BCL6: variants seen among roughly 807,000 people sequenced by gnomAD.
The protein encoded by BCL6 is BCL6 transcription repressor, also known as B-cell lymphoma 6 protein.
BCL6 carries 7 observed loss-of-function variants against 59.5 expected under a neutral mutation model. The observed-to-expected ratio is 0.12, with a 90% confidence interval of 0.07 to 0.22. The LOEUF (loss-of-function observed/expected upper bound fraction) is 0.22, where lower values mean the gene tolerates loss of function less well. BCL6 is among the 10% of genes least tolerant of loss of function. The pLI, the probability that BCL6 is intolerant of heterozygous loss-of-function variation, is 1.00. For synonymous variants in BCL6, 339 were observed against 349.7 expected, an observed-to-expected ratio of 0.97 and a Z score of 0.34; for missense variants, 685 against 939.4, an observed-to-expected ratio of 0.73 and a Z score of 3.54.
rs200408610 is a variant in BCL6, at chr3:187,724,926, A to G, written c.1977+15T>C. 672 of 1,610,458 alleles carry G rather than the reference A, an allele frequency of 4.2e-4. 3 individuals are homozygous for G. Among genetic ancestry groups the G allele is most frequent in the Middle Eastern group, 1.5e-3 (9 of 6,042 alleles). On this transcript the variant is annotated intron_variant, in intron 9 of 9. Transcript: ENST00000406870. The stretch of plus-strand genomic sequence containing the variant: ...TCCCCGCAGGTCAGAGAGCGGCCTC[A>G]AGAGGCTTACGTACATGGTAAGGTT...
intron 4 of BCL6, among the ~76,000 whole-genome samples, chr3:187,731,006 G>T (rs1419242758): frequency 1.3e-5 from 2 of 152,188 alleles, no homozygotes; most frequent in Admixed American, 6.5e-5. Flanking sequence ...CCCTAGCATG[G>T]CTGGATCAAA....
At chr3:187,745,085 A>C (rs527666898) in intron 1 of BCL6, among the ~76,000 whole-genome samples, 1 of 152,140 alleles carries the variant, frequency 6.6e-6, no homozygotes, top group African/African-American at 2.4e-5. Context: ...GGGTGGCAAA[A>C]GCCTCCCCAA....
At chr3:187,744,045 G>C (rs537059804) in intron 1 of BCL6, among the ~76,000 whole-genome samples, 6 of 152,226 alleles carry the variant, frequency 3.9e-5, no homozygotes, top group African/African-American at 1.2e-4. Flanking sequence ...CTCGCCCAAG[G>C]TAAGGACCTC....
In BCL6 at chr3:187,725,604, G is replaced by A. The variant is rs753064923; in HGVS notation, c.1734C>T (p.Ile578=). The change falls in exon 8 of 10, where the codon ATC becomes ATT. Residue 578 remains isoleucine (I), a synonymous_variant. Transcript: ENST00000406870. The surrounding 1 kb of genome is among the most constrained non-coding windows in gnomAD (Gnocchi z 4.7). ...CTGGCCGGTTGAACTGGGCCCCACA[G>A]ATGTTGCAACGATAGGGTTTCTCAC... The part of the protein sequence containing the change: ...HTGEKPYRCN[I]CGAQFNRPAN... 1 of 1,614,226 alleles carries A rather than the reference G, an allele frequency of 6.2e-7. No individual in the cohort carries two copies. Among genetic ancestry groups the A allele is most frequent in the Non-Finnish European group, 8.5e-7 (1 of 1,180,046 alleles).
chr3:187,730,249 A>G (rs1233924871), intron 4 of BCL6, among the ~76,000 whole-genome samples: 1 of 152,226 alleles, frequency 6.6e-6, no homozygotes, highest in Non-Finnish European at 1.5e-5. Context: ...AGTTTCCGGC[A>G]TGATCTATGC....
intron 1 of BCL6, among the ~76,000 whole-genome samples, chr3:187,743,756 A>G (rs1711717352): frequency 9.7e-6 from 1 of 102,990 alleles, no homozygotes. Context: ...CCGCCCCCGG[A>G]GCTCAGCCGA....
rs1718896686 is a variant in BCL6 at position 187,729,246 on chromosome 3, T to A, written c.1159A>T (p.Asn387Tyr). ...GGCCCCTCTGGTTTGGCATTCTGGTTGAGGCTGTTGAGCACGATGAACTTG... is the reference window on the plus strand; with the variant it reads ...GGCCCCTCTGGTTTGGCATTCTGGTAGAGGCTGTTGAGCACGATGAACTTG... ...KYKFIVLNSL[N>Y]QNAKPEGPEQ... The change falls in exon 5 of 10, where the codon AAC becomes TAC. Residue 387 changes from asparagine to tyrosine, a missense_variant. Physicochemically the swap from Asn to Tyr is moderately radical, Grantham distance 143. Coordinates refer to ENST00000406870, the MANE Select transcript of BCL6 (RefSeq NM_001706.5). This position sits in a 1 kb window ranked among gnomAD's most constrained non-coding sequence, Gnocchi z 5.6. 6.2e-7 allele frequency: 1 copy of A among 1,613,736 alleles called. No individual in the cohort carries two copies. The highest frequency in any genetic ancestry group is 1.7e-5 in the Admixed American group (1 of 60,006).
At chr3:187,731,688 T>C in intron 4 of BCL6, 21 bp downstream of exon 4, 2 of 1,611,544 alleles carry the variant, frequency 1.2e-6, no homozygotes, top group South Asian at 1.1e-5. Flanking sequence ...CTCCGACGCT[T>C]CCACCCGGGT....
At chr3:187,744,714 T>C (rs1711811275) in intron 1 of BCL6, among the ~76,000 whole-genome samples, 7 of 151,914 alleles carry the variant, frequency 4.6e-5, no homozygotes, top group East Asian at 3.9e-4. Flanking sequence ...GCAGCCTCCC[T>C]TTTTGCCTCC....
At chr3:187,732,984 C>G (rs1560153459) in intron 3 of BCL6, among the ~76,000 whole-genome samples, 1 of 152,106 alleles carries the variant, frequency 6.6e-6, no homozygotes, top group Non-Finnish European at 1.5e-5. Context: ...CTGAAGACTA[C>G]TAAAAAGATC....
intron 1 of BCL6, among the ~76,000 whole-genome samples, chr3:187,738,824 T>G (rs1217573513): frequency 6.6e-6 from 1 of 152,154 alleles, no homozygotes; most frequent in Non-Finnish European, 1.5e-5. Flanking sequence ...ACATTGAGGC[T>G]TTCTCACCCC....
intron 4 of BCL6, 29 bp from the exon 5 acceptor site, chr3:187,730,050 C>T (rs562992491): frequency 2.0e-5 from 30 of 1,526,210 alleles, no homozygotes; most frequent in Admixed American, 4.3e-5. Context: ...GGAAAGACAC[C>T]GGCCCCAAAT....
intron 1 of BCL6, among the ~76,000 whole-genome samples, chr3:187,742,353 G>C (rs554253592): frequency 6.6e-6 from 1 of 152,256 alleles, no homozygotes; most frequent in African/African-American, 2.4e-5. Context: ...CTCTTCAAGG[G>C]CTCAGCAAAC....
intron 1 of BCL6, among the ~76,000 whole-genome samples, chr3:187,742,590 C>T (rs965572326): frequency 6.6e-6 from 1 of 151,746 alleles, no homozygotes; most frequent in African/African-American, 2.4e-5. Flanking sequence ...ATGCTTCGGC[C>T]TCTAGTATTG....
intron 1 of BCL6, among the ~76,000 whole-genome samples, chr3:187,738,782 T>C (rs1361548609): frequency 1.3e-5 from 2 of 152,212 alleles, no homozygotes; most frequent in African/African-American, 4.8e-5. Context: ...AGAGTCGGTC[T>C]GCAAAGAACG....
At chr3:187,740,295 C>T (rs148148068) in intron 1 of BCL6, among the ~76,000 whole-genome samples, 2 of 152,128 alleles carry the variant, frequency 1.3e-5, no homozygotes, top group African/African-American at 4.8e-5. Flanking sequence ...GGGAAGAGAG[C>T]GATTTCAGAA....
At chr3:187,724,804 G>T in intron 9 of BCL6, 137 bp downstream of exon 9, 1 of 1,254,892 alleles carries the variant, frequency 8.0e-7, no homozygotes, top group Non-Finnish European at 1.1e-6. Flanking sequence ...TAGCGTAGTG[G>T]TTGCCCCACT....
chr3:187,745,112 A>C (rs764889884), intron 1 of BCL6, among the ~76,000 whole-genome samples: 1 of 152,124 alleles, frequency 6.6e-6, no homozygotes, highest in African/African-American at 2.4e-5. Context: ...CGATTCACTC[A>C]AAGACAACAA....
At chr3:187,724,798 G>T in intron 9 of BCL6, 143 bp downstream of exon 9, 1 of 1,179,644 alleles carries the variant, frequency 8.5e-7, no homozygotes, top group South Asian at 1.5e-5. Flanking sequence ...AACCATTAGC[G>T]TAGTGGTTGC....
Sources: gnomAD v4.1 joint callset for allele counts (sites outside exome capture counted in the v4.1 genomes callset) on GRCh38, gnomAD v4.1.1 for gene constraint, Gnocchi (gnomAD v3.1) non-coding constraint, MANE v1.5 for transcripts, NCBI Gene and HGNC (gene_info 2026-07-23, HGNC 2026-07-21) for gene names.